The following CACNB4 variants were observed in gnomAD, a reference collection of about 807,000 sequenced individuals.
The protein encoded by CACNB4 is voltage-dependent L-type calcium channel subunit beta-4.
A neutral mutation model predicts 71.2 loss-of-function variants in CACNB4; 32 were observed. The ratio of observed to expected loss-of-function variants is 0.45; its 90% confidence interval spans 0.34 to 0.60. CACNB4 has a LOEUF of 0.60. Ranked by LOEUF, CACNB4 falls within the 20% of genes least tolerant of loss-of-function variation. The pLI is 0.01. For synonymous variants in CACNB4, 231 were observed against 236.9 expected, an observed-to-expected ratio of 0.97 and a Z score of 0.23; for missense variants, 464 against 647.9, an observed-to-expected ratio of 0.72 and a Z score of 3.08.
At chr2:151,937,108 A>G (rs528061678) in intron 2 of CACNB4, among the ~76,000 whole-genome samples, 1 of 152,340 alleles carries the variant, frequency 6.6e-6, no homozygotes, top group African/African-American at 2.4e-5. Flanking sequence ...AGCAACAAAT[A>G]AGTACCACTC....
intron 2 of CACNB4, among the ~76,000 whole-genome samples, chr2:152,038,122 G>T (rs1297769036): frequency 2.6e-5 from 4 of 152,258 alleles, no homozygotes; most frequent in African/African-American, 9.6e-5. Flanking sequence ...GAGGCAGGAG[G>T]TGGGGGTAGC....
chr2:151,963,993 C>T lies in CACNB4; in HGVS notation c.148-80623G>A, dbSNP rs376800850. 2.3e-4 allele frequency among the ~76,000 whole-genome samples: 33 copies of T among 141,354 alleles called. 1 individual carries two copies. In the South Asian group the frequency reaches 3.9e-3, roughly 17 times the overall value. 92.7% of individuals were successfully genotyped at this position (141,354 alleles called of 152,430 possible). A position where few individuals can be genotyped will look rare whatever the true frequency, so the allele number is the denominator to read the frequency against. Reference sequence around the variant, plus strand: ...CTGAGGCAGGAGAATTGCTTGAGCCCGGGAGACGGAGGTTGCAGCGAGCCA... The same window carrying T: ...CTGAGGCAGGAGAATTGCTTGAGCCTGGGAGACGGAGGTTGCAGCGAGCCA... On this transcript the variant is annotated intron_variant, in intron 2 of 13. Transcript: ENST00000539935.
intron 2 of CACNB4, among the ~76,000 whole-genome samples, chr2:151,934,351 A>G (rs1205593458): frequency 1.3e-5 from 2 of 152,246 alleles, no homozygotes; most frequent in African/African-American, 2.4e-5. Context: ...TACACATCCA[A>G]TTGGATACAC....
chr2:151,920,222 T>C lies in CACNB4; in HGVS notation c.148-36852A>G, dbSNP rs572139540. Reference sequence around the variant, plus strand: ...GTAATAGGAATAGAACAATTTCTATTTCTATTGTAATAGGAATAGAACAAT... The same window carrying C: ...GTAATAGGAATAGAACAATTTCTATCTCTATTGTAATAGGAATAGAACAAT... On this transcript the variant is annotated intron_variant, in intron 2 of 13. Coordinates refer to ENST00000539935, the MANE Select transcript of CACNB4 (RefSeq NM_000726.5). 1.5e-4 allele frequency among the ~76,000 whole-genome samples: 22 copies of C among 151,138 alleles called. No homozygotes were observed. The South Asian group carries it at 4.2e-3, about 29-fold the overall frequency.
chr2:151,842,475 C>T (rs1377015086), intron 12 of CACNB4, among the ~76,000 whole-genome samples: 5 of 151,672 alleles, frequency 3.3e-5, no homozygotes, highest in Admixed American at 2.0e-4. Context: ...GGATTACAGG[C>T]GCCTGCCACT....
intron 5 of CACNB4, among the ~76,000 whole-genome samples, chr2:151,875,626 A>ACC (rs1239972629): frequency 7.5e-6 from 1 of 134,122 alleles, no homozygotes; most frequent in South Asian, 2.4e-4. Flanking sequence ...CAGGGGGCTG[A>ACC]CCCCTCCACC....
At chr2:151,911,605 A>T (rs189304935) in intron 2 of CACNB4, among the ~76,000 whole-genome samples, 24 of 152,252 alleles carry the variant, frequency 1.6e-4, no homozygotes, top group African/African-American at 5.8e-4. Context: ...TTTCACACTG[A>T]TGTTCATCAG....
chr2:151,972,980 A>G (rs2099873017), intron 2 of CACNB4: 1 of 152,238 alleles, frequency 6.6e-6, no homozygotes. Flanking sequence ...CTATGGTATG[A>G]TTTCAGGGAT....
At chr2:152,075,791 T>A (rs1686975843) in intron 2 of CACNB4, among the ~76,000 whole-genome samples, 1 of 152,088 alleles carries the variant, frequency 6.6e-6, no homozygotes, top group Non-Finnish European at 1.5e-5. Context: ...AACTCAGGCA[T>A]CGAATACTGG....
At position 151,860,642 on chromosome 2, in the gene CACNB4, A is replaced by G. The variant is rs1374720903; in HGVS notation, c.868+69T>C. ...GGGGAACAAATTGAAAAAGACATTC[A>G]CAAATGCACCATGTGTCAGCCCGGT... On this transcript the variant is annotated intron_variant, in intron 10 of 13. Transcript: ENST00000539935. The G allele has an allele frequency of 2.5e-5, 26 of 1,036,346 alleles. No individual in the cohort carries two copies. In the Admixed American group the frequency reaches 4.0e-4, roughly 16 times the overall value. The allele number at this position is 1,036,346 out of a possible 1,614,324, so 64.2% of individuals were successfully genotyped here.
chr2:151,884,916 A>G (rs555034026), intron 2 of CACNB4, among the ~76,000 whole-genome samples: 2 of 152,368 alleles, frequency 1.3e-5, no homozygotes, highest in Admixed American at 6.5e-5. Flanking sequence ...AGACCTATCC[A>G]TATAGCTGAG....
chr2:152,060,875 T>C (rs1685974893), intron 2 of CACNB4, among the ~76,000 whole-genome samples: 2 of 152,246 alleles, frequency 1.3e-5, no homozygotes, highest in South Asian at 4.1e-4. Context: ...TCTATATCTA[T>C]GTGTGCATAT....
intron 2 of CACNB4, among the ~76,000 whole-genome samples, chr2:152,001,523 T>C (rs1682409545): frequency 1.6e-5 from 1 of 64,170 alleles, no homozygotes; most frequent in Non-Finnish European, 2.6e-5. Context: ...ACCCCATCTC[T>C]ACTAAAAAAA....
intron 2 of CACNB4, among the ~76,000 whole-genome samples, chr2:151,986,202 A>C (rs971548665): frequency 6.6e-6 from 1 of 152,204 alleles, no homozygotes; most frequent in African/African-American, 2.4e-5. Context: ...AATAGTGCCC[A>C]TTGCTGTTAG....
At chr2:151,978,531 C>T (rs1197147872) in intron 2 of CACNB4, among the ~76,000 whole-genome samples, 2 of 152,190 alleles carry the variant, frequency 1.3e-5, no homozygotes, top group Non-Finnish European at 2.9e-5. Context: ...CAGTAAGCTA[C>T]TCTACCTTCC....
chr2:152,098,680 G>C lies in CACNB4; in HGVS notation c.64-267C>G. Reference sequence around the variant, plus strand: ...AAGACTCTCAGGGTGCGGGGTCCGAGTCCCCGGCATCCGCTGGGGGAGGCT... The same window carrying C: ...AAGACTCTCAGGGTGCGGGGTCCGACTCCCCGGCATCCGCTGGGGGAGGCT... On this transcript the variant is annotated intron_variant, in intron 1 of 13. Coordinates refer to ENST00000539935, the MANE Select transcript of CACNB4 (RefSeq NM_000726.5). The surrounding 1 kb of genome is among the most constrained non-coding windows in gnomAD (Gnocchi z 5.3). 1 of 1,567,232 alleles carries C rather than the reference G, an allele frequency of 6.4e-7. No homozygotes were observed. The highest frequency in any genetic ancestry group is 8.6e-7 in the Non-Finnish European group (1 of 1,156,136).
At chr2:151,883,183 G>A (rs2099848410) in intron 3 of CACNB4, 68 bp downstream of exon 3, 1 of 1,513,112 alleles carries the variant, frequency 6.6e-7, no homozygotes, top group Non-Finnish European at 9.2e-7. Flanking sequence ...TGTGAGGTAA[G>A]GGAAGAGCAG....
intron 2 of CACNB4, among the ~76,000 whole-genome samples, chr2:151,930,891 G>T (rs899064236): frequency 2.0e-5 from 3 of 151,660 alleles, no homozygotes; most frequent in African/African-American, 7.3e-5. Flanking sequence ...ACATTCATTT[G>T]CCCACTTAAT....
At chr2:152,019,554 A>G (rs1683541264) in intron 2 of CACNB4, among the ~76,000 whole-genome samples, 1 of 152,138 alleles carries the variant, frequency 6.6e-6, no homozygotes, top group Non-Finnish European at 1.5e-5. Flanking sequence ...TGGTGGATGG[A>G]TGGATAAGTG....
Sources: allele counts gnomAD v4.1 joint callset (sites outside exome capture counted in the v4.1 genomes callset), GRCh38; gene constraint gnomAD v4.1.1; non-coding constraint Gnocchi (gnomAD v3.1); transcripts MANE v1.5; gene names NCBI Gene and HGNC (gene_info 2026-07-23, HGNC 2026-07-21).